The following RYR3 variants were observed in gnomAD, a reference collection of about 807,000 sequenced individuals.
The protein encoded by RYR3 is ryanodine receptor 3, also known as brain ryanodine receptor-calcium release channel.
A neutral mutation model predicts 584.3 loss-of-function variants in RYR3; 207 were observed. That is an observed-to-expected ratio of 0.35 (90% confidence interval 0.32 to 0.40). RYR3 has a LOEUF of 0.40. Ranked by LOEUF, RYR3 falls within the 10% of genes least tolerant of loss-of-function variation. The probability of loss-of-function intolerance (pLI) is 1.00; values close to 1 mark genes in which losing one functional copy is unlikely to be tolerated. For missense variants in RYR3, 5,616 were observed against 6,089.2 expected (o/e 0.92, Z 2.59); for synonymous variants, 2,416 against 2,248.5 (o/e 1.07, Z -2.11).
intron 42 of RYR3, among the ~76,000 whole-genome samples, chr15:33,703,277 G>A (rs2066439197): frequency 6.6e-6 from 1 of 152,186 alleles, no homozygotes; most frequent in Non-Finnish European, 1.5e-5. Flanking sequence ...TCTAATGGGA[G>A]GAACTTTCCT....
chr15:33,684,495 C>A (rs2064853009), intron 38 of RYR3, among the ~76,000 whole-genome samples: 1 of 152,040 alleles, frequency 6.6e-6, no homozygotes, highest in Non-Finnish European at 1.5e-5. Context: ...TGTAGGTCAC[C>A]AGCATCAAAG....
intron 94 of RYR3, chr15:33,850,381 C>CA (rs201757842): frequency 0.15 from 20,586 of 132,990 alleles, 1,576 homozygotes; most frequent in Middle Eastern, 0.24. Context: ...GACTTCATCT[C>CA]AAAAAAAAAA....
chr15:33,604,653 A>C (rs2059823738), intron 18 of RYR3, among the ~76,000 whole-genome samples: 1 of 152,196 alleles, frequency 6.6e-6, no homozygotes, highest in South Asian at 2.1e-4. Flanking sequence ...GGTCATGTGA[A>C]GGGAAAGTCT....
intron 49 of RYR3, among the ~76,000 whole-genome samples, chr15:33,737,676 C>T (rs919146516): frequency 6.6e-5 from 10 of 152,186 alleles, no homozygotes; most frequent in Admixed American, 6.5e-4. Flanking sequence ...CAAAAAAATA[C>T]TTTAACTGAA....
chr15:33,420,698 T>C (rs976048796), intron 1 of RYR3, among the ~76,000 whole-genome samples: 2 of 152,144 alleles, frequency 1.3e-5, no homozygotes, highest in African/African-American at 2.4e-5. Context: ...CTCACAAATT[T>C]TAAAAACTGA....
Position 33,756,307 on chromosome 15 carries a change from A to C in RYR3, c.8517A>C (p.Glu2839Asp), listed in dbSNP as rs761755780. 7 of 1,574,490 alleles carry C rather than the reference A, an allele frequency of 4.4e-6. No individual in the cohort carries two copies. The East Asian group carries it at 9.3e-5, about 21-fold the overall frequency. ...TTTGTGTTACCTGTGTCTTCGTAGA[A>C]GCCATTGTCAGCAGTGGGAAAACTG... Reference protein sequence around the residue: ...DSAQEFIAHLEAIVSSGKTEK... With the variant: ...DSAQEFIAHLDAIVSSGKTEK... Residue 2839 changes from glutamate to aspartate, a missense_variant and splice_region_variant, in exon 59 of 104, where the codon GAA (glutamate) becomes GAC (aspartate). Physicochemically the swap from Glu to Asp is conservative, Grantham distance 45. This residue lies in a region of RYR3 where 1,280 missense variants were observed against 1,426.2 expected (regional missense o/e 0.90). Transcript: ENST00000634891.
chr15:33,761,915 C>G (rs2072487291), intron 60 of RYR3, among the ~76,000 whole-genome samples: 2 of 152,190 alleles, frequency 1.3e-5, no homozygotes, highest in South Asian at 4.1e-4. Context: ...CCAACACAAT[C>G]AAGTCGACTT....
intron 1 of RYR3, among the ~76,000 whole-genome samples, chr15:33,336,477 AG>A (rs1567047029): frequency 0.017 from 448 of 26,978 alleles, 183 homozygotes; most frequent in African/African-American, 0.13. Flanking sequence ...AGAGAGAGAG[AG>A]AGAGAGAGAA....
chr15:33,465,381 C>T (rs2048399057), intron 1 of RYR3, among the ~76,000 whole-genome samples: 2 of 152,192 alleles, frequency 1.3e-5, no homozygotes, highest in African/African-American at 4.8e-5. Flanking sequence ...TTTTCCGTAA[C>T]TTCTGTACCA....
intron 1 of RYR3, among the ~76,000 whole-genome samples, chr15:33,399,570 G>A (rs567270998): frequency 2.3e-3 from 345 of 152,216 alleles, no homozygotes; most frequent in African/African-American, 7.9e-3. Context: ...CCCGAGAAGC[G>A]GAGGTAGCAG....
In RYR3 at chr15:33,669,463, T is replaced by G. The variant is rs896368344; in HGVS notation, c.5722+7T>G. The G allele has an allele frequency of 5.6e-6, 9 of 1,612,218 alleles. No individual in the cohort carries two copies. Among genetic ancestry groups the G allele is most frequent in the Non-Finnish European group, 7.6e-6 (9 of 1,178,380 alleles). Reference sequence around the variant, plus strand: ...GACCTTCTCCTTCACTGTGGTAAGCTGCCCAGAGAAAGGCTTTGTCCTTTT... The same window carrying G: ...GACCTTCTCCTTCACTGTGGTAAGCGGCCCAGAGAAAGGCTTTGTCCTTTT... On this transcript the variant is annotated splice_region_variant and intron_variant, in intron 37 of 103. Transcript: ENST00000634891.
At chr15:33,410,802 TA>T (rs2043351558) in intron 1 of RYR3, among the ~76,000 whole-genome samples, 1 of 152,094 alleles carries the variant, frequency 6.6e-6, no homozygotes, top group Non-Finnish European at 1.5e-5. Flanking sequence ...CAAGATTGGG[TA>T]ATTTATAAAG....
intron 1 of RYR3, among the ~76,000 whole-genome samples, chr15:33,440,960 G>C (rs1430662786): frequency 6.6e-6 from 1 of 152,212 alleles, no homozygotes; most frequent in Non-Finnish European, 1.5e-5. Flanking sequence ...GACTCTCACT[G>C]GCTCTTTCTT....
intron 94 of RYR3, chr15:33,852,529 T>G (rs939274198): frequency 6.4e-6 from 1 of 155,232 alleles, no homozygotes. Flanking sequence ...ACACTCAGCT[T>G]AAAAAATCCA....
chr15:33,471,420 T>C (rs1411795870), intron 1 of RYR3, among the ~76,000 whole-genome samples: 3 of 152,038 alleles, frequency 2.0e-5, no homozygotes, highest in African/African-American at 4.8e-5. Context: ...ATGTGACTTA[T>C]AGGATGGGGA....
At chr15:33,312,089 T>A (rs138153056) in intron 1 of RYR3, among the ~76,000 whole-genome samples, 1,535 of 152,316 alleles carry the variant, frequency 0.01, 30 homozygotes, top group African/African-American at 0.035. Context: ...GGATTAAACG[T>A]TATCGTGAAT....
rs371629185 is a variant in RYR3 at position 33,821,578 on chromosome 15, C to T, written c.10971C>T (p.Asn3657=). ...ETLKLGIAIL[N]GGNAGVQQKM... ...TGAAGCTGGGGATCGCCATTCTGAA[C>T]GGAGGCAATGCTGGTGTGCAACAGG... Residue 3657 remains asparagine, a synonymous_variant, in exon 80 of 104, where the codon AAC becomes AAT. Coordinates refer to ENST00000634891, the MANE Select transcript of RYR3 (RefSeq NM_001036.6). 851 of 1,613,952 alleles carry T rather than the reference C, an allele frequency of 5.3e-4. 3 individuals are homozygous for T. The highest frequency in any genetic ancestry group is 9.7e-4 in the South Asian group (88 of 91,078).
chr15:33,469,900 C>A (rs2048794975), intron 1 of RYR3, among the ~76,000 whole-genome samples: 1 of 152,068 alleles, frequency 6.6e-6, no homozygotes, highest in African/African-American at 2.4e-5. Flanking sequence ...AAGGCGGGAG[C>A]ACTAGAAGAA....
At chr15:33,824,171 A>T (rs2077256932) in intron 81 of RYR3, among the ~76,000 whole-genome samples, 2 of 152,204 alleles carry the variant, frequency 1.3e-5, no homozygotes, top group Admixed American at 1.3e-4. Flanking sequence ...TCATAAAGTT[A>T]TCCATTTACT....
Sources: allele counts gnomAD v4.1 joint callset (sites outside exome capture counted in the v4.1 genomes callset), GRCh38; gene constraint gnomAD v4.1.1; regional missense constraint gnomAD v4.1.1; transcripts MANE v1.5; gene names NCBI Gene and HGNC (gene_info 2026-07-23, HGNC 2026-07-21).